The following PDE3B variants were observed in gnomAD, a reference collection of about 807,000 sequenced individuals.
PDE3B encodes the protein cGMP-inhibited 3',5'-cyclic phosphodiesterase 3B.
In PDE3B, 66 loss-of-function variants were observed where a neutral mutation model predicts 116.8. The ratio of observed to expected loss-of-function variants is 0.56; its 90% CI spans 0.46 to 0.69. PDE3B has a LOEUF of 0.69. Among genes scored for constraint, PDE3B ranks in the 30% least tolerant of loss-of-function variants. The pLI is 0.00. For missense variants in PDE3B, 1,384 were observed against 1,368.1 expected, an observed-to-expected ratio of 1.01 and a Z score of -0.18; for synonymous variants, 595 against 533.6, an observed-to-expected ratio of 1.12 and a Z score of -1.59.
intron 1 of PDE3B, among the ~76,000 whole-genome samples, chr11:14,734,077 T>G (rs1333417727): frequency 6.6e-6 from 1 of 152,190 alleles, no homozygotes; most frequent in African/African-American, 2.4e-5. Context: ...TATGAGTGTT[T>G]TCTTTTTTTC....
At chr11:14,892,733 T>G in the PDE3B span, among the ~76,000 whole-genome samples, 1 of 152,256 alleles carries the variant, frequency 6.6e-6, no homozygotes, top group Non-Finnish European at 1.5e-5. Context: ...TTGTCCTGTT[T>G]TACTATTTTT....
intron 1 of PDE3B, among the ~76,000 whole-genome samples, chr11:14,680,780 CA>C (rs5789847): frequency 7.8e-4 from 112 of 143,636 alleles, no homozygotes; most frequent in Admixed American, 1.1e-3. Flanking sequence ...GAAATGACTT[CA>C]AAAAAAAAAA....
intron 12 of PDE3B, among the ~76,000 whole-genome samples, chr11:14,852,504 ATTG>A (rs1241315451): frequency 6.6e-6 from 1 of 152,246 alleles, no homozygotes; most frequent in East Asian, 1.9e-4. Context: ...TGCATACTCA[ATTG>A]TTGTCCTAAT....
intron 12 of PDE3B, among the ~76,000 whole-genome samples, chr11:14,855,289 A>G (rs1847828135): frequency 6.6e-6 from 1 of 152,162 alleles, no homozygotes; most frequent in Non-Finnish European, 1.5e-5. Context: ...TAGAGAAAAA[A>G]ATTCAAACAC....
At chr11:14,829,041 T>C (rs538704024) in intron 7 of PDE3B, among the ~76,000 whole-genome samples, 2 of 151,984 alleles carry the variant, frequency 1.3e-5, no homozygotes, top group South Asian at 4.2e-4. Flanking sequence ...CCATTATCCT[T>C]AGCCACAGGA....
intron 1 of PDE3B, among the ~76,000 whole-genome samples, chr11:14,732,050 C>A (rs987772778): frequency 6.6e-5 from 10 of 151,914 alleles, no homozygotes; most frequent in Non-Finnish European, 1.3e-4. Context: ...GACATCTGAG[C>A]AACAAAAGAC....
In PDE3B at chr11:14,762,154, C is replaced by CTTTTT. The variant is rs750202417; in HGVS notation, c.979-9774_979-9770dup. On this transcript the variant is annotated intron_variant, in intron 1 of 15. Coordinates refer to ENST00000282096, the MANE Select transcript of PDE3B (RefSeq NM_000922.4). The stretch of plus-strand genomic sequence containing the variant: ...AGACCCTGTCTCTACGGATTTTATA[C>CTTTTT]TTTTTTTTTTTTTGAAATGGGATCT... Among the ~76,000 whole-genome samples the CTTTTT allele has an allele frequency of 9.2e-3, 1,329 of 143,784 alleles. 8 individuals carry two copies. The highest frequency in any genetic ancestry group is 0.015 in the Non-Finnish European group (990 of 65,106). The allele number at this position is 143,784 out of a possible 152,430, so 94.3% of individuals were successfully genotyped here.
intron 12 of PDE3B, among the ~76,000 whole-genome samples, chr11:14,844,699 C>G (rs926791084): frequency 6.6e-6 from 1 of 152,200 alleles, no homozygotes; most frequent in Non-Finnish European, 1.5e-5. Flanking sequence ...GCACCTGGCT[C>G]GGAGGGTCCT....
At chr11:14,795,662 ATC>A (rs1309725162) in intron 4 of PDE3B, among the ~76,000 whole-genome samples, 1 of 152,130 alleles carries the variant, frequency 6.6e-6, no homozygotes, top group African/African-American at 2.4e-5. Flanking sequence ...GAAAGGAGAA[ATC>A]TCTCTTTGTC....
chr11:14,766,434 T>C (rs1857500232), intron 1 of PDE3B, among the ~76,000 whole-genome samples: 1 of 151,752 alleles, frequency 6.6e-6, no homozygotes, highest in Non-Finnish European at 1.5e-5. Flanking sequence ...GACATTATCA[T>C]ACTTGAAAGT....
intron 4 of PDE3B, among the ~76,000 whole-genome samples, chr11:14,800,296 C>A (rs1858711041): frequency 6.6e-6 from 1 of 152,166 alleles, no homozygotes; most frequent in South Asian, 2.1e-4. Context: ...GAAACCCCGT[C>A]TCTAATAAAC....
intron 5 of PDE3B, among the ~76,000 whole-genome samples, chr11:14,810,116 GATAA>G (rs1366074697): frequency 6.6e-6 from 1 of 151,938 alleles, no homozygotes; most frequent in Non-Finnish European, 1.5e-5. Flanking sequence ...AGTTTAAATA[GATAA>G]ATATTTTCTA....
intron 12 of PDE3B, among the ~76,000 whole-genome samples, chr11:14,845,883 G>A (rs1296931655): frequency 1.3e-5 from 2 of 152,154 alleles, no homozygotes; most frequent in Non-Finnish European, 2.9e-5. Flanking sequence ...TGAAAGTGAG[G>A]GGGAGAATGG....
intron 7 of PDE3B, among the ~76,000 whole-genome samples, chr11:14,826,698 G>A (rs1341292009): frequency 6.6e-6 from 1 of 151,994 alleles, no homozygotes; most frequent in African/African-American, 2.4e-5. Context: ...CATCCTACCA[G>A]ATGTACAAAG....
chr11:14,836,337 T>C, intron 11 of PDE3B, among the ~76,000 whole-genome samples: 1 of 152,164 alleles, frequency 6.6e-6, no homozygotes, highest in East Asian at 1.9e-4. Context: ...TATATAAATA[T>C]AATATGTTCC....
At chr11:14,794,951 T>G (rs555648216) in intron 4 of PDE3B, among the ~76,000 whole-genome samples, 1 of 152,096 alleles carries the variant, frequency 6.6e-6, no homozygotes, top group African/African-American at 2.4e-5. Context: ...CCCTGTGGAG[T>G]TGGAGTATAC....
chr11:14,691,522 A>G (rs1855040850), intron 1 of PDE3B, among the ~76,000 whole-genome samples: 1 of 152,158 alleles, frequency 6.6e-6, no homozygotes, highest in Non-Finnish European at 1.5e-5. Context: ...GATGGTATGG[A>G]AAAAGGTACA....
chr11:14,658,475 C>T (rs1853784413), intron 1 of PDE3B, among the ~76,000 whole-genome samples: 1 of 152,074 alleles, frequency 6.6e-6, no homozygotes. Context: ...CCTGCCTCAC[C>T]CTCCCAAGTA....
intron 1 of PDE3B, among the ~76,000 whole-genome samples, chr11:14,736,290 C>CTACACG (rs1299766585): frequency 1.3e-5 from 2 of 152,124 alleles, no homozygotes; most frequent in Non-Finnish European, 2.9e-5. Flanking sequence ...TAGAAGGAAA[C>CTACACG]TAAAGCTACA....
Sources: allele counts gnomAD v4.1 joint callset (sites outside exome capture counted in the v4.1 genomes callset), GRCh38; gene constraint gnomAD v4.1.1; transcripts MANE v1.5; gene names NCBI Gene and HGNC (gene_info 2026-07-23, HGNC 2026-07-21).